The following TIMP2 variants were observed in gnomAD, a reference collection of about 807,000 sequenced individuals.
TIMP2 encodes TIMP metallopeptidase inhibitor 2, also known as metalloproteinase inhibitor 2.
TIMP2 carries 5 observed loss-of-function variants against 24.3 expected under a neutral mutation model. The ratio of observed to expected loss-of-function variants is 0.21; its 90% CI spans 0.11 to 0.43. TIMP2 has a LOEUF of 0.43. Among genes scored for constraint, TIMP2 ranks in the 20% least tolerant of loss-of-function variants. The probability of loss-of-function intolerance (pLI) is 1.00; values close to 1 mark genes in which losing one functional copy is unlikely to be tolerated. For synonymous variants in TIMP2, 130 were observed against 123.2 expected (o/e 1.06, Z -0.37); for missense variants, 221 against 297.5 (o/e 0.74, Z 1.89).
rs905407092 is a variant in TIMP2, at chr17:78,914,141, G to A, written c.130+10818C>T. On this transcript the variant is annotated intron_variant, in intron 1 of 4. Coordinates refer to ENST00000262768, the MANE Select transcript of TIMP2 (RefSeq NM_003255.5). ...GGGAGAGCAGGCAGCTGCGACTAAC[G>A]CTGGCTGGGGCCTGCCTGACTTCCC... 1.2e-4 allele frequency among the ~76,000 whole-genome samples: 19 copies of A among 152,272 alleles called. No individual in the cohort carries two copies. The East Asian group carries it at 3.3e-3, about 26-fold the overall frequency.
chr17:78,904,774 A>G (rs984717384), intron 1 of TIMP2: 12 of 152,242 alleles, frequency 7.9e-5, no homozygotes, highest in African/African-American at 2.9e-4. Flanking sequence ...GTGGGGCACC[A>G]TCACTCAATC....
At chr17:78,888,438 G>A (rs573620258) in intron 1 of TIMP2, among the ~76,000 whole-genome samples, 3 of 151,680 alleles carry the variant, frequency 2.0e-5, no homozygotes, top group African/African-American at 7.3e-5. Context: ...GGGATTACAG[G>A]TGTGAGCCAC....
chr17:78,892,536 CGGGATTCTCACTGTGA>C (rs1398454701), intron 1 of TIMP2: 3 of 1,471,034 alleles, frequency 2.0e-6, no homozygotes, highest in Non-Finnish European at 1.8e-6. Context: ...GACAAGCACA[CGGGATTCTCACTGTGA>C]GGACAGGCTG....
chr17:78,904,976 C>T (rs111770145), intron 1 of TIMP2: 15,428 of 152,226 alleles, frequency 0.1, 914 homozygotes, highest in African/African-American at 0.16. Context: ...CCCATCTCTA[C>T]TAAAAATACA....
chr17:78,876,143 T>C (rs1186384212), intron 1 of TIMP2, among the ~76,000 whole-genome samples: 1 of 152,124 alleles, frequency 6.6e-6, no homozygotes, highest in Non-Finnish European at 1.5e-5. Flanking sequence ...TCTTTTTTTA[T>C]TCACGTTCGT....
At chr17:78,913,588 A>G (rs1374270655) in intron 1 of TIMP2, among the ~76,000 whole-genome samples, 1 of 152,144 alleles carries the variant, frequency 6.6e-6, no homozygotes, top group African/African-American at 2.4e-5. Flanking sequence ...GTATGGTCCC[A>G]TAGTTCCAGC....
At chr17:78,886,360 G>T (rs985626637) in intron 1 of TIMP2, among the ~76,000 whole-genome samples, 1 of 151,938 alleles carries the variant, frequency 6.6e-6, no homozygotes, top group Non-Finnish European at 1.5e-5. Flanking sequence ...CCAGGCTAAG[G>T]CAGGAAGACC....
rs2070008640 is a variant in TIMP2, at chr17:78,896,814, T to C, written c.131-22895A>G. 1.7e-6 allele frequency: 1 copy of C among 580,692 alleles called. No individual in the cohort carries two copies. The highest frequency in any genetic ancestry group is 7.5e-5 in the South Asian group (1 of 13,352). The allele number at this position is 580,692 out of a possible 1,614,324, so 36.0% of individuals were successfully genotyped here. On this transcript the variant is annotated intron_variant, in intron 1 of 4. Transcript: ENST00000262768. The surrounding 1 kb of genome is among the most constrained non-coding windows in gnomAD (Gnocchi z 4.4). Reference sequence around the variant, plus strand: ...TGGACACTGGGCCCATTCTCCTCTCTTGCTCTCTACAGCCCCGTGGCCCCA... The same window carrying C: ...TGGACACTGGGCCCATTCTCCTCTCCTGCTCTCTACAGCCCCGTGGCCCCA...
At chr17:78,913,490 G>A (rs964727030) in intron 1 of TIMP2, among the ~76,000 whole-genome samples, 8 of 152,112 alleles carry the variant, frequency 5.3e-5, no homozygotes, top group African/African-American at 1.7e-4. Context: ...GTGGGAAGAC[G>A]GCTTGAGCCC....
At chr17:78,878,379 T>C (rs7342889) in intron 1 of TIMP2, among the ~76,000 whole-genome samples, 141,363 of 152,246 alleles carry the variant, frequency 0.93, 65,715 homozygotes, top group African/African-American at 0.95. Context: ...GAGGGGCTGG[T>C]GTGGAGGCTG....
intron 1 of TIMP2, among the ~76,000 whole-genome samples, chr17:78,914,587 T>G (rs1568008345): frequency 6.6e-6 from 1 of 151,556 alleles, no homozygotes; most frequent in Non-Finnish European, 1.5e-5. Context: ...CCAGCCAAGC[T>G]GTTTTTTTTT....
chr17:78,888,757 A>T (rs1440608910), intron 1 of TIMP2, among the ~76,000 whole-genome samples: 2 of 152,180 alleles, frequency 1.3e-5, no homozygotes, highest in South Asian at 4.1e-4. Flanking sequence ...TATATGTCCA[A>T]GGAGGCAGCA....
intron 1 of TIMP2, among the ~76,000 whole-genome samples, chr17:78,914,273 ATTTAT>A (rs1312788224): frequency 1.9e-5 from 2 of 103,870 alleles, no homozygotes; most frequent in Admixed American, 9.3e-5. Flanking sequence ...TTATTTATTT[ATTTAT>A]TTATTTATTT....
chr17:78,858,976 G>A (rs141232286), intron 3 of TIMP2, among the ~76,000 whole-genome samples: 142 of 152,210 alleles, frequency 9.3e-4, no homozygotes, highest in Middle Eastern at 3.4e-3. Context: ...CACTGCGCCC[G>A]GCCAATATTC....
chr17:78,856,183 A>G, intron 4 of TIMP2: 1 of 381,112 alleles, frequency 2.6e-6, no homozygotes, highest in Non-Finnish European at 5.0e-6. Flanking sequence ...CACAGCAACA[A>G]TAAAAGGGCC....
intron 1 of TIMP2, among the ~76,000 whole-genome samples, chr17:78,878,731 G>A (rs1029187934): frequency 2.6e-5 from 4 of 151,844 alleles, no homozygotes; most frequent in African/African-American, 9.7e-5. Flanking sequence ...AAGTGGGGGT[G>A]AGGGGCAGGG....
intron 1 of TIMP2, among the ~76,000 whole-genome samples, chr17:78,918,080 A>ACACACACACACGCG (rs1555652988): frequency 2.0e-5 from 3 of 150,848 alleles, no homozygotes; most frequent in African/African-American, 7.3e-5. Flanking sequence ...ACACACACAC[A>ACACACACACACGCG]CACACACACA....
intron 1 of TIMP2, among the ~76,000 whole-genome samples, chr17:78,886,859 G>C (rs951955340): frequency 1.6e-4 from 25 of 152,086 alleles, no homozygotes; most frequent in Non-Finnish European, 7.3e-5. Context: ...CTAGTAGCTG[G>C]AACTATAGGT....
chr17:78,923,077 C>T (rs1227278796), intron 1 of TIMP2, among the ~76,000 whole-genome samples: 3 of 152,130 alleles, frequency 2.0e-5, no homozygotes, highest in African/African-American at 4.8e-5. Context: ...GAAGCGAATG[C>T]CCTGAGCTCT....
Sources: allele counts gnomAD v4.1 joint callset (sites outside exome capture counted in the v4.1 genomes callset), GRCh38; gene constraint gnomAD v4.1.1; non-coding constraint Gnocchi (gnomAD v3.1); transcripts MANE v1.5; gene names NCBI Gene and HGNC (gene_info 2026-07-23, HGNC 2026-07-21).